SHKBP1: variants seen among roughly 807,000 people sequenced by gnomAD.
SHKBP1 encodes SH3KBP1 binding protein 1, also known as SH3KBP1-binding protein 1.
A neutral mutation model predicts 83.9 loss-of-function variants in SHKBP1; 71 were observed. The observed-to-expected ratio is 0.85, with a 90% CI of 0.70 to 1.03. SHKBP1 has a LOEUF of 1.03. Ranked by LOEUF, SHKBP1 falls within the 50% of genes least tolerant of loss-of-function variation. The pLI, the probability that SHKBP1 is intolerant of heterozygous loss-of-function variation, is 0.00. For synonymous variants in SHKBP1, 371 were observed against 398.0 expected, an observed-to-expected ratio of 0.93 and a Z score of 0.81; for missense variants, 824 against 982.4, an observed-to-expected ratio of 0.84 and a Z score of 2.16.
chr19:40,578,616 C>G (rs1010429742), intron 6 of SHKBP1, 74 bp downstream of exon 6: 2 of 1,379,602 alleles, frequency 1.4e-6, no homozygotes, highest in Non-Finnish European at 2.1e-6. Flanking sequence ...CTGCAGCTCT[C>G]GGGTGCCTGT....
chr19:40,578,168 C>T lies in SHKBP1; in HGVS notation c.275C>T (p.Ser92Phe). 6.2e-7 allele frequency: 1 copy of T among 1,614,158 alleles called. No homozygotes were observed. Among genetic ancestry groups the T allele is most frequent in the Middle Eastern group, 1.6e-4 (1 of 6,062 alleles). Residue 92 changes from serine to phenylalanine, a missense_variant, in exon 5 of 18, where the codon TCC becomes TTC. Ser to Phe is a radical substitution (Grantham distance 155). Transcript: ENST00000291842. ...CTACTACCCAGGGGTGTCCACGGTTCCAGCCTCCTCCATGAAGCCCAGTTC... is the reference window on the plus strand; with the variant it reads ...CTACTACCCAGGGGTGTCCACGGTTTCAGCCTCCTCCATGAAGCCCAGTTC... ...KELDPRGVHG[S>F]SLLHEAQFYG...
At chr19:40,583,754 T>G in intron 12 of SHKBP1, 37 bp downstream of exon 12, 6 of 1,531,522 alleles carry the variant, frequency 3.9e-6, no homozygotes, top group Non-Finnish European at 5.4e-6. Context: ...TGCTGTCACC[T>G]GCCAGCCCCA....
chr19:40,582,669 C>T (rs1435418265), intron 10 of SHKBP1, among the ~76,000 whole-genome samples: 5 of 151,852 alleles, frequency 3.3e-5, no homozygotes, highest in African/African-American at 1.2e-4. Context: ...TGCTGCAGAG[C>T]CCACATGAAG....
In SHKBP1 at chr19:40,583,386, C is replaced by T; in HGVS notation, c.961-12C>T. On this transcript the variant is annotated splice_polypyrimidine_tract_variant and intron_variant, in intron 10 of 17. Transcript: ENST00000291842. ...GGGCTCCCGGCTGCAGCCTGTCCTGCCCCACCCCCAGGTCCAGGAGGTGCA... is the reference window on the plus strand; with the variant it reads ...GGGCTCCCGGCTGCAGCCTGTCCTGTCCCACCCCCAGGTCCAGGAGGTGCA... The T allele has an allele frequency of 6.4e-7, 1 of 1,562,640 alleles. No individual in the cohort carries two copies. Among genetic ancestry groups the T allele is most frequent in the Non-Finnish European group, 8.7e-7 (1 of 1,152,844 alleles).
At position 40,586,781 on chromosome 19, in the gene SHKBP1, T is replaced by G; in HGVS notation, c.1173T>G (p.Ser391Arg). The G allele has an allele frequency of 6.3e-7, 1 of 1,583,506 alleles. No homozygotes were observed. Among genetic ancestry groups the G allele is most frequent in the Non-Finnish European group, 8.6e-7 (1 of 1,159,862 alleles). ...TCCTTGGCCCCTCACCAGGTGACAG[T>G]GGGAACTGGATCGAGATCGCCTATG... ...SVYLTPKTSD[S>R]GNWIEIAYGT... Residue 391 changes from serine (S) to arginine (R), a missense_variant, in exon 13 of 18, where the codon AGT becomes AGG. Transcript: ENST00000291842.
chr19:40,589,250 C>T, intron 15 of SHKBP1, 72 bp downstream of exon 15: 1 of 1,421,088 alleles, frequency 7.0e-7, no homozygotes. Flanking sequence ...GGGGAGAAGG[C>T]AAGATGCTAG....
At position 40,590,746 on chromosome 19, in the gene SHKBP1, G is replaced by A. The variant is rs748514937; in HGVS notation, c.1785G>A (p.Glu595=). ...LGQAPAGGLT[E]QELMEQLEHC... is the part of the protein sequence containing the mutation. ...GCCCCCCAGCAGGTGGCCTGACGGA[G>A]CAAGAGCTGATGGAACAGCTGGAAC... Residue 595 remains glutamate, a synonymous_variant, in exon 17 of 18, where the codon GAG becomes GAA. Coordinates refer to ENST00000291842, the MANE Select transcript of SHKBP1 (RefSeq NM_138392.4). This position sits in a 1 kb window ranked among gnomAD's most constrained non-coding sequence, Gnocchi z 4.6. 14 of 1,597,138 alleles carry A rather than the reference G, an allele frequency of 8.8e-6. No homozygotes were observed. In the South Asian group the frequency reaches 1.3e-4, roughly 15 times the overall value.
chr19:40,588,175 TAAA>T (rs2145994383), intron 13 of SHKBP1, among the ~76,000 whole-genome samples: 1 of 151,098 alleles, frequency 6.6e-6, no homozygotes, highest in East Asian at 2.0e-4. Context: ...TGGAACAGAG[TAAA>T]TGAGGGGGAG....
chr19:40,582,786 C>T lies in SHKBP1; in HGVS notation c.960+320C>T, dbSNP rs2081280912. ...CAAGAACTGGCTTGGCTCGGTGGCT[C>T]ACACTTGTAATCCCAGCACTTTGGG... On this transcript the variant is annotated intron_variant, in intron 10 of 17. Transcript: ENST00000291842. Among the ~76,000 whole-genome samples the T allele has an allele frequency of 3.9e-5, 6 of 152,054 alleles. No individual in the cohort carries two copies. The South Asian group carries it at 1.0e-3, about 26-fold the overall frequency.
chr19:40,588,740 G>A lies in SHKBP1; in HGVS notation c.1453G>A (p.Ala485Thr), dbSNP rs1568394190. Residue 485 changes from alanine (A) to threonine (T), a missense_variant, in exon 14 of 18, where the codon GCA becomes ACA. By Grantham distance (58) the Ala-to-Thr change is moderately conservative. Transcript: ENST00000291842. ...ASFKILALES[A>T]DGHGGCSAGN... ...CTTTAAGATCCTGGCTCTGGAGTCG[G>A]CAGATGGGCATGGCGGCTGCAGTGC... 1 of 1,613,938 alleles carries A rather than the reference G, an allele frequency of 6.2e-7. No homozygotes were observed.
At chr19:40,581,947 G>T (rs1261051063) in intron 9 of SHKBP1, among the ~76,000 whole-genome samples, 1 of 149,880 alleles carries the variant, frequency 6.7e-6, no homozygotes, top group Non-Finnish European at 1.5e-5. Context: ...TTGAAATGGA[G>T]TCATTCTCTG....
At chr19:40,588,824 C>G (rs1183927773) in intron 14 of SHKBP1, 45 bp downstream of exon 14, 1 of 1,602,508 alleles carries the variant, frequency 6.2e-7, no homozygotes, top group South Asian at 1.1e-5. Flanking sequence ...ACCCCCTTAC[C>G]TGACCCCTGT....
chr19:40,586,921 T>C lies in SHKBP1; in HGVS notation c.1313T>C (p.Leu438Pro). The change falls in exon 13 of 18, where the codon CTG (leucine) becomes CCG (proline). Residue 438 changes from leucine (L) to proline (P), a missense_variant. Around this residue, in one of 3 missense-constraint regions of SHKBP1, gnomAD observed 182 missense variants for 273.1 expected, o/e 0.67. Transcript: ENST00000291842. ...VHRSPVTKIM[L>P]SEKHLISVCA... ...CGCAGCCCTGTCACCAAGATCATGC[T>C]GTCGGAGAAGCACCTCATCTCAGGT... 6.2e-7 allele frequency: 1 copy of C among 1,605,638 alleles called. No individual in the cohort carries two copies. The highest frequency in any genetic ancestry group is 8.5e-7 in the Non-Finnish European group (1 of 1,173,762).
intron 13 of SHKBP1, among the ~76,000 whole-genome samples, chr19:40,588,350 C>T (rs1202799465): frequency 1.3e-5 from 2 of 152,122 alleles, no homozygotes; most frequent in Admixed American, 6.5e-5. Context: ...CTGGGAGGGG[C>T]GTGCTGATAC....
chr19:40,578,625 G>A (rs1468585892), intron 6 of SHKBP1, 83 bp downstream of exon 6: 1 of 1,240,942 alleles, frequency 8.1e-7, no homozygotes, highest in Admixed American at 1.7e-5. Flanking sequence ...TCGGGTGCCT[G>A]TGCTGTGCGT....
In SHKBP1 at chr19:40,590,258, G is replaced by A. The variant is rs140367355; in HGVS notation, c.1604G>A (p.Arg535His). 3.8e-5 allele frequency: 61 copies of A among 1,596,012 alleles called. No individual in the cohort carries two copies. The highest frequency in any genetic ancestry group is 8.6e-5 in the Admixed American group (5 of 58,236). The change falls in exon 16 of 18, where the codon CGC (arginine) becomes CAC (histidine). Residue 535 changes from arginine (R) to histidine (H), a missense_variant. Transcript: ENST00000291842. This position sits in a 1 kb window ranked among gnomAD's most constrained non-coding sequence, Gnocchi z 4.6. ...GCACCCCCCAGGGTGTGCTCCGTGC[G>A]CTCCGTGGACGGCTCACCCACGACA... The part of the protein sequence containing the change: ...SSTGQRVCSV[R>H]SVDGSPTTAF...
rs962708642 is a variant in SHKBP1 at position 40,586,869 on chromosome 19, C to T, written c.1261C>T (p.Gln421Ter). The T allele has an allele frequency of 5.6e-6, 9 of 1,613,128 alleles. No individual in the cohort carries two copies. In the African/African-American group the frequency reaches 8.0e-5, roughly 14 times the overall value. ...CCCGGAGACTGTGGGCTCGGGGCCT[C>T]AGCTCTTCCAGACCTTCACTGTGCA... ...QHPETVGSGPQLFQTFTVHRS... is the reference protein window; with the variant it reads ...QHPETVGSGP Residue 421 changes from glutamine to a stop codon, truncating the protein, a stop_gained, in exon 13 of 18, where the codon CAG becomes TAG. Transcript: ENST00000291842. LOFTEE classifies it high-confidence loss of function.
chr19:40,591,184 A>G lies in SHKBP1; in HGVS notation c.2101A>G (p.Lys701Glu), dbSNP rs370207614. The change falls in exon 18 of 18, where the codon AAG becomes GAG. Residue 701 changes from lysine to glutamate, a missense_variant. Coordinates refer to ENST00000291842, the MANE Select transcript of SHKBP1 (RefSeq NM_138392.4). ...CACTCCCCTCACACCTCCCAAGATG[A>G]AGCTCAATGAAACTTCCTTTTGAAC... Reference protein sequence around the residue: ...LGTPLTPPKMKLNETSF With the variant: ...LGTPLTPPKMELNETSF The G allele has an allele frequency of 3.1e-6, 5 of 1,588,452 alleles. No individual in the cohort carries two copies. In the African/African-American group the frequency reaches 5.4e-5, roughly 17 times the overall value.
At chr19:40,577,501 G>A in intron 3 of SHKBP1, 56 bp from the exon 4 acceptor site, 4 of 1,613,790 alleles carry the variant, frequency 2.5e-6, no homozygotes, top group Non-Finnish European at 2.5e-6. Flanking sequence ...AGAGGGGCAG[G>A]ACCCCACTCA....
Sources: allele counts gnomAD v4.1 joint callset (sites outside exome capture counted in the v4.1 genomes callset), GRCh38; gene constraint gnomAD v4.1.1; regional missense constraint gnomAD v4.1.1; non-coding constraint Gnocchi (gnomAD v3.1); transcripts MANE v1.5; gene names NCBI Gene and HGNC (gene_info 2026-07-23, HGNC 2026-07-21).